The following CDH7 variants were observed in gnomAD, a reference collection of about 807,000 sequenced individuals.
The protein encoded by CDH7 is cadherin 7, also known as cadherin-7.
A neutral mutation model predicts 71.8 loss-of-function variants in CDH7; 25 were observed. That is an observed-to-expected ratio of 0.35 (90% CI 0.25 to 0.49). CDH7 has a LOEUF of 0.49. Among genes scored for constraint, CDH7 ranks in the 20% least tolerant of loss-of-function variants. The pLI, the probability that CDH7 is intolerant of heterozygous loss-of-function variation, is 0.99. For synonymous variants in CDH7, 381 were observed against 363.8 expected (o/e 1.05, Z -0.54); for missense variants, 862 against 974.6 (o/e 0.88, Z 1.54).
intron 7 of CDH7, among the ~76,000 whole-genome samples, chr18:65,850,726 T>C (rs958514899): frequency 1.3e-5 from 2 of 151,884 alleles, no homozygotes; most frequent in African/African-American, 2.4e-5. Context: ...TAAAGGAAAA[T>C]TGTGTTGACA....
intron 2 of CDH7, among the ~76,000 whole-genome samples, chr18:65,797,152 GCAA>G (rs1478081824): frequency 6.6e-6 from 1 of 152,000 alleles, no homozygotes; most frequent in Non-Finnish European, 1.5e-5. Flanking sequence ...AACAACAACA[GCAA>G]CAACAACAAA....
chr18:65,765,178 A>T (rs528631517), intron 2 of CDH7, among the ~76,000 whole-genome samples: 58 of 152,134 alleles, frequency 3.8e-4, no homozygotes, highest in South Asian at 2.1e-4. Flanking sequence ...TTAATTTTTT[A>T]AAAAATTGAC....
chr18:65,882,503 T>G lies in CDH7; in HGVS notation c.*1609T>G, dbSNP rs148198200. 1.4e-3 allele frequency: 208 copies of G among 152,238 alleles called. 1 individual carries two copies. The highest frequency in any genetic ancestry group is 4.8e-3 in the African/African-American group (199 of 41,568). The allele number at this position is 152,238 out of a possible 1,614,324, so 9.4% of individuals were successfully genotyped here. A position where few individuals can be genotyped will look rare whatever the true frequency, so the allele number is the denominator to read the frequency against. On this transcript the variant is annotated 3_prime_UTR_variant, in exon 12 of 12. Coordinates refer to ENST00000397968, the MANE Select transcript of CDH7 (RefSeq NM_004361.5). ...AAGGTAGACAGTGGAATTAGAATATTAATATGTTGATTACACAAAGAAGAA... is the reference window on the plus strand; with the variant it reads ...AAGGTAGACAGTGGAATTAGAATATGAATATGTTGATTACACAAAGAAGAA...
chr18:65,851,540 C>T (rs1913150783), intron 7 of CDH7, among the ~76,000 whole-genome samples: 1 of 152,144 alleles, frequency 6.6e-6, no homozygotes. Context: ...CTCTTTAGCT[C>T]ATCAAATAGC....
At chr18:65,866,747 A>G (rs541464625) in intron 11 of CDH7, among the ~76,000 whole-genome samples, 87 of 152,208 alleles carry the variant, frequency 5.7e-4, no homozygotes, top group African/African-American at 2.0e-3. Flanking sequence ...CCGAAGTTGT[A>G]TTTGTCAGTC....
intron 11 of CDH7, among the ~76,000 whole-genome samples, chr18:65,871,120 A>G (rs1007713751): frequency 2.0e-5 from 3 of 152,164 alleles, no homozygotes; most frequent in African/African-American, 7.2e-5. Context: ...GAGCATGGTA[A>G]AGTTTACATT....
chr18:65,782,992 A>G (rs1167609814), intron 2 of CDH7, among the ~76,000 whole-genome samples: 1 of 152,220 alleles, frequency 6.6e-6, no homozygotes, highest in East Asian at 1.9e-4. Flanking sequence ...TGTTTACAAC[A>G]TGGAAGCAGA....
rs1372526063 is a variant in CDH7 at position 65,886,957 on chromosome 18, A to G, written c.*6063A>G. On this transcript the variant is annotated 3_prime_UTR_variant, in exon 12 of 12. Transcript: ENST00000397968. ...GTTAATAAGCTCTCTTCTCAACTTT[A>G]GCTCTTAGTTATCTGGTTATTTTAT... 1 of 152,158 alleles carries G rather than the reference A, an allele frequency of 6.6e-6. No homozygotes were observed. Among genetic ancestry groups the G allele is most frequent in the Non-Finnish European group, 1.5e-5 (1 of 68,012 alleles). 9.4% of individuals were successfully genotyped at this position (152,158 alleles called of 1,614,324 possible).
At chr18:65,806,388 A>G (rs1911322541) in intron 2 of CDH7, among the ~76,000 whole-genome samples, 1 of 151,514 alleles carries the variant, frequency 6.6e-6, no homozygotes, top group African/African-American at 2.4e-5. Context: ...TTGTCTGCTT[A>G]TTAATAGAGA....
chr18:65,806,795 G>A (rs1377702131), intron 2 of CDH7, among the ~76,000 whole-genome samples: 1 of 152,098 alleles, frequency 6.6e-6, no homozygotes, highest in African/African-American at 2.4e-5. Flanking sequence ...AAGGAGAGAG[G>A]AGTTTTTTAC....
At chr18:65,823,824 G>A (rs1376624991) in intron 5 of CDH7, among the ~76,000 whole-genome samples, 1 of 151,906 alleles carries the variant, frequency 6.6e-6, no homozygotes, top group South Asian at 2.1e-4. Context: ...AAAGGAAACA[G>A]AAGTAGATGC....
chr18:65,832,985 G>A (rs886787942), intron 6 of CDH7, among the ~76,000 whole-genome samples: 33 of 152,010 alleles, frequency 2.2e-4, no homozygotes, highest in Admixed American at 9.2e-4. Flanking sequence ...CTATGCATCC[G>A]GTATCTGACA....
chr18:65,785,845 A>G (rs984282542), intron 2 of CDH7, among the ~76,000 whole-genome samples: 1 of 152,222 alleles, frequency 6.6e-6, no homozygotes, highest in Non-Finnish European at 1.5e-5. Flanking sequence ...TTAAAACAAA[A>G]TTAAACTTTT....
chr18:65,792,109 T>G (rs1021693663), intron 2 of CDH7, among the ~76,000 whole-genome samples: 1 of 152,034 alleles, frequency 6.6e-6, no homozygotes, highest in African/African-American at 2.4e-5. Flanking sequence ...GAGGCTGATA[T>G]TCTCTGCATT....
intron 2 of CDH7, among the ~76,000 whole-genome samples, chr18:65,806,606 A>T (rs1037234333): frequency 2.6e-5 from 4 of 151,796 alleles, no homozygotes; most frequent in African/African-American, 9.7e-5. Context: ...CACAGTAGAG[A>T]GTAACATTTT....
Position 65,887,390 on chromosome 18 carries a change from A to G in CDH7, c.*6496A>G, listed in dbSNP as rs1233739073. The G allele has an allele frequency of 6.6e-6, 1 of 150,792 alleles. No individual in the cohort carries two copies. Among genetic ancestry groups the G allele is most frequent in the Non-Finnish European group, 1.5e-5 (1 of 67,658 alleles). The allele number at this position is 150,792 out of a possible 1,614,324, so 9.3% of individuals were successfully genotyped here. ...ATTAACTCGTCATTTAGCATTAGGT[A>G]TATCTCCTAATTCTATCCCTCCCCC... is the stretch of plus-strand genomic sequence containing the variant. On this transcript the variant is annotated 3_prime_UTR_variant, in exon 12 of 12. Coordinates refer to ENST00000397968, the MANE Select transcript of CDH7 (RefSeq NM_004361.5).
At chr18:65,832,299 G>A (rs911672053) in intron 6 of CDH7, among the ~76,000 whole-genome samples, 1 of 151,640 alleles carries the variant, frequency 6.6e-6, no homozygotes, top group Non-Finnish European at 1.5e-5. Context: ...ATTATACTTG[G>A]CATAGAATTC....
chr18:65,812,240 T>G (rs906498923), intron 3 of CDH7, among the ~76,000 whole-genome samples: 2 of 152,142 alleles, frequency 1.3e-5, no homozygotes, highest in Non-Finnish European at 2.9e-5. Flanking sequence ...GTGATGGGAT[T>G]ACAGGTGTGT....
intron 3 of CDH7, among the ~76,000 whole-genome samples, chr18:65,810,647 A>G (rs545589796): frequency 1.5e-4 from 1 of 6,584 alleles, no homozygotes; most frequent in African/African-American, 1.6e-4. Context: ...AGATTATCCC[A>G]TCACCTAGTA....
Sources: allele counts gnomAD v4.1 joint callset (sites outside exome capture counted in the v4.1 genomes callset), GRCh38; gene constraint gnomAD v4.1.1; transcripts MANE v1.5; gene names NCBI Gene and HGNC (gene_info 2026-07-23, HGNC 2026-07-21).